ELP4: variants seen among roughly 807,000 people sequenced by gnomAD.
The protein encoded by ELP4 is elongator acetyltransferase complex subunit 4.
Under a neutral mutation model 48.9 loss-of-function variants are expected in ELP4, and 51 were observed. The observed-to-expected ratio is 1.04, with a 90% CI of 0.83 to 1.32. The LOEUF (loss-of-function observed/expected upper bound fraction) is 1.32, where lower values mean the gene tolerates loss of function less well. Ranked by LOEUF, ELP4 falls within the 40% of genes most tolerant of loss-of-function variation. The pLI is 0.00. For missense variants in ELP4, 519 were observed against 514.6 expected (o/e 1.01, Z -0.08); for synonymous variants, 210 against 189.2 (o/e 1.11, Z -0.90).
At chr11:31,575,031 A>G (rs548747198) in intron 3 of ELP4, among the ~76,000 whole-genome samples, 1 of 152,342 alleles carries the variant, frequency 6.6e-6, no homozygotes, top group Admixed American at 6.5e-5. Context: ...CAAAGAAGCT[A>G]AAAACCTTGA....
At chr11:31,587,652 TATTA>T (rs1354008454) in intron 3 of ELP4, among the ~76,000 whole-genome samples, 3 of 151,510 alleles carry the variant, frequency 2.0e-5, no homozygotes, top group Non-Finnish European at 2.9e-5. Flanking sequence ...AAAGTGTTAA[TATTA>T]ATTATTGATA....
At chr11:31,642,101 A>G (rs1945111665) in intron 7 of ELP4, among the ~76,000 whole-genome samples, 1 of 152,078 alleles carries the variant, frequency 6.6e-6, no homozygotes, top group South Asian at 2.1e-4. Flanking sequence ...CCTACAATTA[A>G]TTTTGAATAT....
rs551545584 is a variant in ELP4 at position 31,691,025 on chromosome 11, T to C, written c.1143+40804T>C. Reference sequence around the variant, plus strand: ...TATAGCTCAGAGCAAGGCAAGTTAGTACAGATAATTTAAATGATACCCAGT... The same window carrying C: ...TATAGCTCAGAGCAAGGCAAGTTAGCACAGATAATTTAAATGATACCCAGT... On this transcript the variant is annotated intron_variant, in intron 9 of 9. Transcript: ENST00000640961. Among the ~76,000 whole-genome samples, 6 of 152,210 alleles carry C rather than the reference T, an allele frequency of 3.9e-5. No homozygotes were observed. The South Asian group carries it at 1.2e-3, about 32-fold the overall frequency.
intron 2 of ELP4, among the ~76,000 whole-genome samples, chr11:31,522,955 GCT>G (rs1277540839): frequency 1.3e-5 from 2 of 151,714 alleles, no homozygotes; most frequent in African/African-American, 4.8e-5. Context: ...CAACTCCTGG[GCT>G]TAAGTAGTCC....
At chr11:31,726,624 A>G (rs1383821278) in intron 9 of ELP4, among the ~76,000 whole-genome samples, 1 of 152,184 alleles carries the variant, frequency 6.6e-6, no homozygotes, top group East Asian at 1.9e-4. Context: ...GTAAAGTAAC[A>G]TAGAAATCCT....
chr11:31,632,173 T>G lies in ELP4; in HGVS notation c.739-44T>G, dbSNP rs778402978. On this transcript the variant is annotated intron_variant, in intron 6 of 9. Coordinates refer to ENST00000640961, the MANE Select transcript of ELP4 (RefSeq NM_019040.5). ...ACAGATAAAAGTGGTATTCTATTGATTAACAAAACTTTATATGTTTGCTTT... is the reference window on the plus strand; with the variant it reads ...ACAGATAAAAGTGGTATTCTATTGAGTAACAAAACTTTATATGTTTGCTTT... The G allele has an allele frequency of 2.0e-6, 3 of 1,509,896 alleles. No individual in the cohort carries two copies. The African/African-American group carries it at 4.2e-5, about 21-fold the overall frequency. 93.5% of individuals were successfully genotyped at this position (1,509,896 alleles called of 1,614,324 possible).
At chr11:31,753,598 C>A (rs938370468) in intron 9 of ELP4, among the ~76,000 whole-genome samples, 4 of 152,052 alleles carry the variant, frequency 2.6e-5, no homozygotes, top group African/African-American at 7.2e-5. Context: ...ATATGGATAC[C>A]GTGGATGTTT....
At chr11:31,720,980 C>T (rs113256791) in intron 9 of ELP4, among the ~76,000 whole-genome samples, 37 of 152,284 alleles carry the variant, frequency 2.4e-4, no homozygotes, top group African/African-American at 5.3e-4. Context: ...TCTGCCCCAT[C>T]GGTCAAAATT....
rs1948082834 is a variant in ELP4 at position 31,768,523 on chromosome 11, A to G, written c.1144-14870A>G. 1.3e-5 allele frequency among the ~76,000 whole-genome samples: 2 copies of G among 152,234 alleles called. 1 individual carries two copies. Among genetic ancestry groups the G allele is most frequent in the South Asian group, 4.1e-4 (2 of 4,830 alleles). On this transcript the variant is annotated intron_variant, in intron 9 of 9. Transcript: ENST00000640961. ...GCTAATACAATATGACAAAAATAATATTATAGTCCTCAATATACATTGAAC... is the reference window on the plus strand; with the variant it reads ...GCTAATACAATATGACAAAAATAATGTTATAGTCCTCAATATACATTGAAC...
At chr11:31,773,003 T>C (rs1046072345) in intron 9 of ELP4, among the ~76,000 whole-genome samples, 3 of 152,242 alleles carry the variant, frequency 2.0e-5, no homozygotes, top group African/African-American at 7.2e-5. Context: ...TTTTTCCTTG[T>C]CTGTTATCAG....
intron 9 of ELP4, among the ~76,000 whole-genome samples, chr11:31,718,460 CT>C (rs1351291019): frequency 8.5e-5 from 13 of 152,206 alleles, no homozygotes; most frequent in African/African-American, 1.9e-4. Flanking sequence ...ACATTCAAGG[CT>C]TTTGTGGGTC....
At chr11:31,597,968 T>A (rs1160827396) in intron 4 of ELP4, among the ~76,000 whole-genome samples, 1 of 143,776 alleles carries the variant, frequency 7.0e-6, no homozygotes, top group African/African-American at 2.6e-5. Flanking sequence ...TTTTTTTTTT[T>A]TTTTTGAGAT....
chr11:31,684,440 C>T (rs947959789), intron 9 of ELP4, among the ~76,000 whole-genome samples: 1 of 152,138 alleles, frequency 6.6e-6, no homozygotes, highest in Non-Finnish European at 1.5e-5. Flanking sequence ...CTCCTGACCT[C>T]AAGTGATGCA....
At chr11:31,747,120 A>G (rs911337618) in intron 9 of ELP4, among the ~76,000 whole-genome samples, 4 of 152,092 alleles carry the variant, frequency 2.6e-5, no homozygotes, top group African/African-American at 4.8e-5. Flanking sequence ...AGAGAGAAAG[A>G]TAAAAATGGT....
chr11:31,680,920 G>T (rs774736414), intron 9 of ELP4, among the ~76,000 whole-genome samples: 16 of 152,110 alleles, frequency 1.1e-4, no homozygotes, highest in Non-Finnish European at 2.1e-4. Flanking sequence ...ATCCTGAGGA[G>T]CTCAGGTATT....
intron 4 of ELP4, 153 bp from the exon 5 acceptor site, chr11:31,603,615 A>G: frequency 3.4e-6 from 2 of 595,400 alleles, no homozygotes; most frequent in East Asian, 3.0e-5. Context: ...AGGTTGTTGT[A>G]TGCTTCTTTG....
At chr11:31,517,773 C>T (rs767451700) in intron 1 of ELP4, among the ~76,000 whole-genome samples, 6 of 151,908 alleles carry the variant, frequency 3.9e-5, no homozygotes, top group East Asian at 2.0e-4. Flanking sequence ...GCAGCCACCG[C>T]GCCCAGCTAA....
At chr11:31,624,288 A>G (rs1351990102) in intron 5 of ELP4, among the ~76,000 whole-genome samples, 1 of 151,802 alleles carries the variant, frequency 6.6e-6, no homozygotes, top group Non-Finnish European at 1.5e-5. Context: ...ACACAAATCT[A>G]CGTGGTACAG....
intron 3 of ELP4, among the ~76,000 whole-genome samples, chr11:31,548,850 A>T (rs1382835312): frequency 6.6e-6 from 1 of 152,236 alleles, no homozygotes; most frequent in African/African-American, 2.4e-5. Context: ...CAAATATCTG[A>T]TCTTTGACAA....
Sources: allele counts gnomAD v4.1 joint callset (sites outside exome capture counted in the v4.1 genomes callset), GRCh38; gene constraint gnomAD v4.1.1; transcripts MANE v1.5; gene names NCBI Gene and HGNC (gene_info 2026-07-23, HGNC 2026-07-21).